Variants in LCA5L observed in about 807,000 individuals in gnomAD.
LCA5L encodes the protein lebercilin LCA5 like, also known as lebercilin-like protein.
LCA5L carries 35 observed loss-of-function variants against 45.4 expected under a neutral mutation model. The ratio of observed to expected loss-of-function variants is 0.77; its 90% confidence interval spans 0.59 to 1.02. LCA5L has a LOEUF of 1.02. Among genes scored for constraint, LCA5L ranks in the 50% least tolerant of loss-of-function variants. The pLI is 0.00. For synonymous variants in LCA5L, 233 were observed against 264.7 expected, an observed-to-expected ratio of 0.88 and a Z score of 1.16; for missense variants, 668 against 761.6, an observed-to-expected ratio of 0.88 and a Z score of 1.45.
chr21:39,419,597 A>T (rs989005415), intron 7 of LCA5L, among the ~76,000 whole-genome samples: 2 of 152,052 alleles, frequency 1.3e-5, no homozygotes, highest in African/African-American at 4.8e-5. Context: ...TTATGTTAAT[A>T]TCCTAGCCCC....
At chr21:39,438,367 T>TA (rs1201529618) in intron 2 of LCA5L, among the ~76,000 whole-genome samples, 2 of 152,066 alleles carry the variant, frequency 1.3e-5, no homozygotes, top group African/African-American at 4.8e-5. Flanking sequence ...TGTAAATGTT[T>TA]AAAAAATTAT....
chr21:39,414,738 CTCTCTGTGTGTG>C (rs1366036682), intron 7 of LCA5L, among the ~76,000 whole-genome samples: 41 of 107,376 alleles, frequency 3.8e-4, no homozygotes, highest in South Asian at 7.0e-4. Flanking sequence ...CTCTCTCTCT[CTCTCTGTGTGTG>C]TGTGTGTGTG....
chr21:39,424,710 C>A (rs1024245452), intron 5 of LCA5L, among the ~76,000 whole-genome samples: 3 of 152,130 alleles, frequency 2.0e-5, no homozygotes, highest in African/African-American at 7.2e-5. Flanking sequence ...TATACAGATA[C>A]CGATTTTCCA....
At chr21:39,416,657 C>T (rs184767234) in intron 7 of LCA5L, among the ~76,000 whole-genome samples, 15 of 142,772 alleles carry the variant, frequency 1.1e-4, no homozygotes, top group Admixed American at 1.0e-3. Flanking sequence ...TATCTTACTT[C>T]TGTATTTTTT....
chr21:39,441,812 G>C (rs2076894678), intron 2 of LCA5L, among the ~76,000 whole-genome samples: 1 of 152,128 alleles, frequency 6.6e-6, no homozygotes, highest in Non-Finnish European at 1.5e-5. Flanking sequence ...GTGTTTGCCT[G>C]ATTATTTTTA....
At chr21:39,445,174 T>C (rs73367987) in intron 1 of LCA5L, among the ~76,000 whole-genome samples, 55,867 of 150,792 alleles carry the variant, frequency 0.37, 10,691 homozygotes, top group African/African-American at 0.43. Flanking sequence ...GGGGAGGGTG[T>C]GGATAAAGAG....
intron 10 of LCA5L, among the ~76,000 whole-genome samples, chr21:39,407,210 G>C (rs895301763): frequency 6.6e-6 from 1 of 152,200 alleles, no homozygotes; most frequent in Non-Finnish European, 1.5e-5. Context: ...TTGGGCAACA[G>C]AGCAGAGCTG....
At chr21:39,420,652 C>T in intron 7 of LCA5L, 54 bp downstream of exon 7, 1 of 1,456,590 alleles carries the variant, frequency 6.9e-7, no homozygotes, top group Non-Finnish European at 9.6e-7. Context: ...ATAAATAGCT[C>T]ATATATTTCG....
chr21:39,420,902 A>G, intron 6 of LCA5L, 59 bp from the exon 7 acceptor site: 2 of 1,337,572 alleles, frequency 1.5e-6, no homozygotes, highest in East Asian at 2.3e-5. Flanking sequence ...AAAAACTTCA[A>G]TTATCATGGA....
chr21:39,442,982 G>A (rs1051198340), intron 2 of LCA5L, among the ~76,000 whole-genome samples: 1 of 152,212 alleles, frequency 6.6e-6, no homozygotes, highest in African/African-American at 2.4e-5. Context: ...GGGTGAGCCA[G>A]AATGGCAGCA....
rs1012565363 is a variant in LCA5L at position 39,428,505 on chromosome 21, T to G, written c.-10-2A>C. 1 of 1,470,024 alleles carries G rather than the reference T, an allele frequency of 6.8e-7. No homozygotes were observed. The highest frequency in any genetic ancestry group is 1.5e-5 in the African/African-American group (1 of 68,458). 91.1% of individuals were successfully genotyped at this position (1,470,024 alleles called of 1,614,324 possible). On this transcript the variant is annotated splice_acceptor_variant, in intron 4 of 10. Coordinates refer to ENST00000288350, the MANE Select transcript of LCA5L (RefSeq NM_152505.4). LOFTEE classifies it low-confidence loss of function (5UTR_SPLICE). ...TCAGCCAAAGACATAGCAAACAACC[T>G]AATAAAAGAAAAGTAAAACCTAATA...
At position 39,409,171 on chromosome 21, in the gene LCA5L, G is replaced by A. The variant is rs555836728; in HGVS notation, c.1282+808C>T. Among the ~76,000 whole-genome samples the A allele has an allele frequency of 1.8e-4, 27 of 151,974 alleles. No individual in the cohort carries two copies. Among genetic ancestry groups the A allele is most frequent in the Non-Finnish European group, 3.5e-4 (24 of 68,002 alleles). ...ACTGGAGCACTGGTGCTCTCTCCCC[G>A]ACTCTCCTCGTGCGAGCACTAAGGA... On this transcript the variant is annotated intron_variant, in intron 10 of 10. Transcript: ENST00000288350. This position sits in a 1 kb window ranked among gnomAD's most constrained non-coding sequence, Gnocchi z 4.2.
chr21:39,442,530 C>A lies in LCA5L; in HGVS notation c.-246+1605G>T, dbSNP rs2076972845. ...GGGGAGACAAGCTGGTACAGGACTGCGGCAGGCTGAATGAAGGTGGTGGTT... is the reference window on the plus strand; with the variant it reads ...GGGGAGACAAGCTGGTACAGGACTGAGGCAGGCTGAATGAAGGTGGTGGTT... On this transcript the variant is annotated intron_variant, in intron 2 of 10. Coordinates refer to ENST00000288350, the MANE Select transcript of LCA5L (RefSeq NM_152505.4). Among the ~76,000 whole-genome samples the A allele has an allele frequency of 2.6e-5, 4 of 151,966 alleles. No individual in the cohort carries two copies. The South Asian group carries it at 8.3e-4, about 32-fold the overall frequency.
Position 39,428,176 on chromosome 21 carries a change from A to AG in LCA5L, c.317dup (p.Lys107Ter). The AG allele has an allele frequency of 6.4e-7, 1 of 1,564,748 alleles. No homozygotes were observed. The highest frequency in any genetic ancestry group is 1.9e-5 in the Admixed American group (1 of 53,840). On this transcript the variant is annotated frameshift_variant, in exon 5 of 11. Coordinates refer to ENST00000288350, the MANE Select transcript of LCA5L (RefSeq NM_152505.4). LOFTEE classifies it high-confidence loss of function. Reference sequence around the variant, plus strand: ...TTGGGAAATTTTACTCCTTACCTTTAGATTGGGAGATTTTAGAAACATTAT... The same window carrying AG: ...TTGGGAAATTTTACTCCTTACCTTTAGGATTGGGAGATTTTAGAAACATTAT...
intron 5 of LCA5L, chr21:39,427,971 A>T: frequency 2.2e-6 from 1 of 445,294 alleles, no homozygotes; most frequent in Non-Finnish European, 4.1e-6. Context: ...GCTAGGCTTT[A>T]CATGTGAAGC....
At chr21:39,418,646 C>G (rs1186808268) in intron 7 of LCA5L, among the ~76,000 whole-genome samples, 1 of 152,010 alleles carries the variant, frequency 6.6e-6, no homozygotes, top group Non-Finnish European at 1.5e-5. Flanking sequence ...ATTACAGGCA[C>G]GCATCACCAT....
At chr21:39,421,108 T>G (rs1446756706) in intron 6 of LCA5L, among the ~76,000 whole-genome samples, 6 of 151,738 alleles carry the variant, frequency 4.0e-5, no homozygotes, top group African/African-American at 1.2e-4. Flanking sequence ...TTCGTTTTTT[T>G]TTTTTTTTTT....
chr21:39,406,129 G>A lies in LCA5L; in HGVS notation c.1766C>T (p.Thr589Ile). ...ACTGCTTTTCTTATCTCTGAAAGTTGTATCCTTCACTTTTATTCTGGAAGA... is the reference window on the plus strand; with the variant it reads ...ACTGCTTTTCTTATCTCTGAAAGTTATATCCTTCACTTTTATTCTGGAAGA... ...GKSSRIKVKD[T>I]TFRDKKSSLM... Residue 589 changes from threonine (T) to isoleucine (I), a missense_variant, in exon 11 of 11, where the codon ACA becomes ATA. Thr to Ile is a moderately conservative substitution (Grantham distance 89). Transcript: ENST00000288350. 1 of 1,614,214 alleles carries A rather than the reference G, an allele frequency of 6.2e-7. No individual in the cohort carries two copies. Among genetic ancestry groups the A allele is most frequent in the Non-Finnish European group, 8.5e-7 (1 of 1,180,046 alleles).
intron 5 of LCA5L, 56 bp from the exon 6 acceptor site, chr21:39,423,546 T>A: frequency 7.1e-7 from 1 of 1,417,306 alleles, no homozygotes; most frequent in African/African-American, 1.4e-5. Flanking sequence ...TATGCAAATA[T>A]GCACATATGC....
Sources: gnomAD v4.1 joint callset for allele counts (sites outside exome capture counted in the v4.1 genomes callset) on GRCh38, gnomAD v4.1.1 for gene constraint, Gnocchi (gnomAD v3.1) non-coding constraint, MANE v1.5 for transcripts, NCBI Gene and HGNC (gene_info 2026-07-23, HGNC 2026-07-21) for gene names.